Variants in LGSN observed in about 807,000 individuals in gnomAD.
The protein encoded by LGSN is lengsin, lens protein with glutamine synthetase domain, also known as lengsin.
LGSN carries 21 observed loss-of-function variants against 19.5 expected under a neutral mutation model. That is an observed-to-expected ratio of 1.07 (90% CI 0.76 to 1.55). The LOEUF (loss-of-function observed/expected upper bound fraction) is 1.55. Ranked by LOEUF, LGSN falls within the 40% of genes most tolerant of loss-of-function variation. LGSN has a pLI of 0.00. For synonymous variants in LGSN, 257 were observed against 215.6 expected (o/e 1.19, Z -1.68); for missense variants, 673 against 608.5 (o/e 1.11, Z -1.12).
the LGSN span, among the ~76,000 whole-genome samples, chr6:63,453,793 A>G: frequency 6.6e-6 from 1 of 151,996 alleles, no homozygotes; most frequent in Admixed American, 6.6e-5. Flanking sequence ...AGCTGGAACT[A>G]CAGGCGCCCG....
At chr6:63,292,451 C>T (rs1479040398) in intron 2 of LGSN, among the ~76,000 whole-genome samples, 1 of 152,162 alleles carries the variant, frequency 6.6e-6, no homozygotes, top group African/African-American at 2.4e-5. Flanking sequence ...TCTTGCCTGA[C>T]AAGAGTGTCT....
the LGSN span, among the ~76,000 whole-genome samples, chr6:63,517,170 A>G: frequency 8.2e-4 from 125 of 152,316 alleles, no homozygotes; most frequent in Admixed American, 1.2e-3. Flanking sequence ...AAACAAGGAT[A>G]ATATTATGGT....
the LGSN span, among the ~76,000 whole-genome samples, chr6:63,351,213 C>A: frequency 6.6e-6 from 1 of 152,120 alleles, no homozygotes; most frequent in African/African-American, 2.4e-5. Context: ...GACACCAAAG[C>A]TACCAGTGTC....
the LGSN span, among the ~76,000 whole-genome samples, chr6:63,451,569 G>A: frequency 6.6e-6 from 1 of 152,088 alleles, no homozygotes; most frequent in African/African-American, 2.4e-5. Flanking sequence ...GAAACACAGA[G>A]GGGAACAACA....
At chr6:63,281,721 G>T (rs1430971185) in intron 3 of LGSN, among the ~76,000 whole-genome samples, 8 of 152,046 alleles carry the variant, frequency 5.3e-5, no homozygotes, top group Admixed American at 4.6e-4. Flanking sequence ...GCAGACTATG[G>T]TCAGTACTGT....
chr6:63,374,699 A>G, the LGSN span, among the ~76,000 whole-genome samples: 2 of 152,202 alleles, frequency 1.3e-5, no homozygotes, highest in African/African-American at 4.8e-5. Context: ...TTCAAAATGG[A>G]TCCACAGGGA....
the LGSN span, among the ~76,000 whole-genome samples, chr6:63,504,640 T>C: frequency 0.54 from 81,379 of 151,944 alleles, 23,614 homozygotes; most frequent in African/African-American, 0.77. Context: ...GACAGGGTTT[T>C]GCCACGTTGC....
the LGSN span, among the ~76,000 whole-genome samples, chr6:63,472,294 A>C: frequency 2.1e-4 from 32 of 152,246 alleles, no homozygotes; most frequent in Non-Finnish European, 4.4e-4. Context: ...ATGGGGGTAG[A>C]AGTGGGTAAA....
the LGSN span, among the ~76,000 whole-genome samples, chr6:63,356,834 C>T: frequency 4.6e-5 from 7 of 151,590 alleles, no homozygotes; most frequent in African/African-American, 1.7e-4. Flanking sequence ...ATCACAACCC[C>T]CAATTTTTTT....
chr6:63,289,382 T>A (rs1416590630), intron 2 of LGSN, among the ~76,000 whole-genome samples: 1 of 152,316 alleles, frequency 6.6e-6, no homozygotes, highest in African/African-American at 2.4e-5. Flanking sequence ...TCGGAATTTA[T>A]TTTCTTCAAT....
the LGSN span, among the ~76,000 whole-genome samples, chr6:63,416,563 T>C: frequency 6.6e-6 from 1 of 152,030 alleles, no homozygotes; most frequent in African/African-American, 2.4e-5. Flanking sequence ...AAATACATAG[T>C]TTTTTTGTTG....
At chr6:63,298,279 G>A (rs950907419) in intron 1 of LGSN, among the ~76,000 whole-genome samples, 1 of 152,088 alleles carries the variant, frequency 6.6e-6, no homozygotes, top group South Asian at 2.1e-4. Context: ...ATCCCCATGC[G>A]TTTGTGTTTT....
At chr6:63,547,389 C>G in the LGSN span, among the ~76,000 whole-genome samples, 1 of 151,148 alleles carries the variant, frequency 6.6e-6, no homozygotes, top group Non-Finnish European at 1.5e-5. Context: ...AGGATTTCAC[C>G]ATGTTGGCCA....
chr6:63,290,153 A>G (rs1582026879), intron 2 of LGSN, among the ~76,000 whole-genome samples: 2 of 152,244 alleles, frequency 1.3e-5, no homozygotes, highest in South Asian at 4.1e-4. Flanking sequence ...TTGGGAGTTT[A>G]TTTTTAAATT....
At chr6:63,327,437 C>T in the LGSN span, among the ~76,000 whole-genome samples, 2,416 of 152,240 alleles carry the variant, frequency 0.016, 19 homozygotes, top group Middle Eastern at 0.024. Flanking sequence ...AAACGCTGGG[C>T]GGCATCTCAT....
chr6:63,319,901 AT>A lies in LGSN; in HGVS notation c.30+12del. 6.3e-7 allele frequency: 1 copy of A among 1,598,690 alleles called. No homozygotes were observed. The highest frequency in any genetic ancestry group is 8.6e-7 in the Non-Finnish European group (1 of 1,166,518). On this transcript the variant is annotated intron_variant, in intron 1 of 3. Coordinates refer to ENST00000370657, the MANE Select transcript of LGSN (RefSeq NM_016571.3). Reference sequence around the variant, plus strand: ...TATTTTGGTTAAAAACATTTTAATGATTAGCTTCATACCTCCTGCAGAAGGT... The same window carrying A: ...TATTTTGGTTAAAAACATTTTAATGATAGCTTCATACCTCCTGCAGAAGGT...
At chr6:63,468,412 G>A in the LGSN span, among the ~76,000 whole-genome samples, 1 of 151,996 alleles carries the variant, frequency 6.6e-6, no homozygotes, top group Non-Finnish European at 1.5e-5. Context: ...ACAGGCATGA[G>A]CCACTGCGCC....
chr6:63,401,677 T>G, the LGSN span, among the ~76,000 whole-genome samples: 1 of 152,224 alleles, frequency 6.6e-6, no homozygotes, highest in Non-Finnish European at 1.5e-5. Flanking sequence ...ATATCAGCCA[T>G]GGGCGTGTAG....
At chr6:63,468,388 A>G in the LGSN span, among the ~76,000 whole-genome samples, 1 of 151,992 alleles carries the variant, frequency 6.6e-6, no homozygotes, top group Admixed American at 6.6e-5. Flanking sequence ...TTGGCTTCTC[A>G]TAGTGCTGGG....
Sources: allele counts gnomAD v4.1 joint callset (sites outside exome capture counted in the v4.1 genomes callset), GRCh38; gene constraint gnomAD v4.1.1; transcripts MANE v1.5; gene names NCBI Gene and HGNC (gene_info 2026-07-23, HGNC 2026-07-21).